Variants in GPC6 observed in about 807,000 individuals in gnomAD.
GPC6 encodes the protein glypican-6.
GPC6 carries 14 observed loss-of-function variants against 55.2 expected under a neutral mutation model. The ratio of observed to expected loss-of-function variants is 0.25; its 90% CI spans 0.17 to 0.40. GPC6 has a LOEUF of 0.40. Among genes scored for constraint, GPC6 ranks in the 10% least tolerant of loss-of-function variants. The pLI is 1.00. For synonymous variants in GPC6, 278 were observed against 259.6 expected, an observed-to-expected ratio of 1.07 and a Z score of -0.68; for missense variants, 641 against 708.5, an observed-to-expected ratio of 0.90 and a Z score of 1.08.
At chr13:93,890,614 A>G (rs188520107) in intron 3 of GPC6, among the ~76,000 whole-genome samples, 1 of 151,952 alleles carries the variant, frequency 6.6e-6, no homozygotes. Flanking sequence ...ATCTGTGTGT[A>G]TGATTTCTAT....
Position 94,184,879 on chromosome 13 carries a change from A to G in GPC6, c.878-101470A>G, listed in dbSNP as rs555278592. ...CTGCACTATTCATAATAGCAAATAC[A>G]TAGAATCAACCTACGTGCTCATCAG... On this transcript the variant is annotated intron_variant, in intron 4 of 8. Transcript: ENST00000377047. 3.3e-5 allele frequency among the ~76,000 whole-genome samples: 5 copies of G among 152,360 alleles called. No individual in the cohort carries two copies. In the South Asian group the frequency reaches 1.0e-3, roughly 32 times the overall value.
At chr13:93,921,849 G>A (rs974324952) in intron 3 of GPC6, among the ~76,000 whole-genome samples, 9 of 151,836 alleles carry the variant, frequency 5.9e-5, no homozygotes, top group Admixed American at 5.9e-4. Context: ...TAGGGCCACA[G>A]GTTTCCAAGC....
At chr13:94,026,797 G>T (rs866397355) in intron 3 of GPC6, among the ~76,000 whole-genome samples, 1 of 152,120 alleles carries the variant, frequency 6.6e-6, no homozygotes, top group African/African-American at 2.4e-5. Flanking sequence ...CATGGTGGCA[G>T]TGAGGAGAAG....
At chr13:94,288,818 A>AATATATATATGTTATATATATAATAAAT (rs201831096) in intron 5 of GPC6, among the ~76,000 whole-genome samples, 1 of 95,964 alleles carries the variant, frequency 1.0e-5, no homozygotes, top group African/African-American at 4.2e-5. Context: ...ATATATAATA[A>AATATATATATGTTATATATATAATAAAT]ATATATATAT....
At chr13:93,335,722 G>T (rs1413442949) in intron 1 of GPC6, among the ~76,000 whole-genome samples, 1 of 152,114 alleles carries the variant, frequency 6.6e-6, no homozygotes, top group African/African-American at 2.4e-5. Flanking sequence ...AGCCCAATTT[G>T]TACCTGCTGA....
chr13:94,317,981 A>G (rs141066191), intron 6 of GPC6, among the ~76,000 whole-genome samples: 3 of 152,306 alleles, frequency 2.0e-5, no homozygotes, highest in African/African-American at 7.2e-5. Flanking sequence ...TAGCCAAAGA[A>G]TGCTATTTTT....
At position 94,403,148 on chromosome 13, in the gene GPC6, G is replaced by C. The variant is rs1264014800; in HGVS notation, c.1599G>C (p.Gln533His). ...DRREVDSSAA[Q>H]RGHSLLSWSL... The stretch of plus-strand genomic sequence containing the variant: ...GAGAGGTGGACTCTTCTGCAGCCCA[G>C]CGTGGCCACTCCCTGCTCTCCTGGT... Residue 533 changes from glutamine to histidine, a missense_variant, in exon 9 of 9, where the codon CAG (glutamine) becomes CAC (histidine). Transcript: ENST00000377047. 1.9e-6 allele frequency: 3 copies of C among 1,613,982 alleles called. No individual in the cohort carries two copies. Among genetic ancestry groups the C allele is most frequent in the South Asian group, 2.2e-5 (2 of 91,070 alleles).
intron 1 of GPC6, among the ~76,000 whole-genome samples, chr13:93,466,595 G>A (rs1878912230): frequency 6.6e-6 from 1 of 152,190 alleles, no homozygotes; most frequent in Non-Finnish European, 1.5e-5. Context: ...AGTGGTTTTA[G>A]TTGAGTGTGA....
intron 3 of GPC6, among the ~76,000 whole-genome samples, chr13:93,941,799 A>G (rs752989662): frequency 1.8e-4 from 27 of 152,238 alleles, no homozygotes; most frequent in Non-Finnish European, 3.1e-4. Flanking sequence ...TCAAGTCTCC[A>G]GGGCATTATC....
chr13:93,791,986 A>T (rs1282470858), intron 2 of GPC6, among the ~76,000 whole-genome samples: 2 of 152,150 alleles, frequency 1.3e-5, no homozygotes, highest in Non-Finnish European at 2.9e-5. Flanking sequence ...ATTTTTGAAG[A>T]TTTTTTTTCT....
chr13:93,876,890 C>T (rs546381962), intron 3 of GPC6, among the ~76,000 whole-genome samples: 30 of 152,004 alleles, frequency 2.0e-4, no homozygotes, highest in Non-Finnish European at 3.5e-4. Flanking sequence ...TGTAAGCCTC[C>T]GGTACTCAGG....
chr13:93,992,713 A>G (rs1210972772), intron 3 of GPC6, among the ~76,000 whole-genome samples: 1 of 152,202 alleles, frequency 6.6e-6, no homozygotes, highest in African/African-American at 2.4e-5. Context: ...TTATTTAATT[A>G]GACTTTTAGT....
At chr13:94,261,585 A>G (rs1891659887) in intron 4 of GPC6, among the ~76,000 whole-genome samples, 1 of 152,232 alleles carries the variant, frequency 6.6e-6, no homozygotes, top group Admixed American at 6.5e-5. Context: ...GAGGGTATAT[A>G]CAGAGGGCTC....
At chr13:93,511,519 T>C (rs867892029) in intron 1 of GPC6, among the ~76,000 whole-genome samples, 9 of 152,178 alleles carry the variant, frequency 5.9e-5, no homozygotes, top group Non-Finnish European at 8.8e-5. Flanking sequence ...TTCTCTATTA[T>C]GTTTCATTGG....
intron 2 of GPC6, among the ~76,000 whole-genome samples, chr13:93,692,018 A>T (rs920691208): frequency 1.3e-5 from 2 of 152,078 alleles, no homozygotes; most frequent in Non-Finnish European, 2.9e-5. Context: ...ATTGCCATTT[A>T]TGTAAAATGC....
chr13:93,222,645 G>A (rs965006960), upstream of GPC6, among the ~76,000 whole-genome samples: 3 of 152,108 alleles, frequency 2.0e-5, no homozygotes, highest in African/African-American at 7.2e-5. Flanking sequence ...TGGGTTCCAC[G>A]ATGCTACCTA....
intron 1 of GPC6, among the ~76,000 whole-genome samples, chr13:93,450,457 A>C (rs995309210): frequency 7.2e-5 from 11 of 152,230 alleles, no homozygotes; most frequent in Non-Finnish European, 1.5e-4. Flanking sequence ...TTTTATGAGT[A>C]AGGAAAGTTG....
intron 4 of GPC6, among the ~76,000 whole-genome samples, chr13:94,144,548 TGTGTG>T (rs1887496148): frequency 1.1e-4 from 1 of 8,856 alleles, no homozygotes; most frequent in East Asian, 0.019. Context: ...TGTGTGTGTA[TGTGTG>T]TGTGTGTGTG....
chr13:94,192,454 C>G (rs995438791), intron 4 of GPC6, among the ~76,000 whole-genome samples: 14 of 152,128 alleles, frequency 9.2e-5, no homozygotes, highest in African/African-American at 3.4e-4. Context: ...TGTCTGGGGT[C>G]TGGGTTAGTA....
Sources: allele counts gnomAD v4.1 joint callset (sites outside exome capture counted in the v4.1 genomes callset), GRCh38; gene constraint gnomAD v4.1.1; transcripts MANE v1.5; gene names NCBI Gene and HGNC (gene_info 2026-07-23, HGNC 2026-07-21).